TLN1: variants seen among roughly 807,000 people sequenced by gnomAD.
TLN1 encodes talin 1, also known as talin-1.
Under a neutral mutation model 292.3 loss-of-function variants are expected in TLN1, and 56 were observed. That is an observed-to-expected ratio of 0.19 (90% CI 0.15 to 0.24). TLN1 has a LOEUF of 0.24. Ranked by LOEUF, TLN1 falls within the 10% of genes least tolerant of loss-of-function variation. TLN1 has a pLI of 1.00. For synonymous variants in TLN1, 1,119 were observed against 1,253.7 expected (o/e 0.89, Z 2.27); for missense variants, 2,433 against 3,248.2 (o/e 0.75, Z 6.10).
rs1381675401 is a variant in TLN1, at chr9:35,719,707, G to T, written c.1578+33C>A. The stretch of plus-strand genomic sequence containing the variant: ...CCTATCCCTTGGAGTCTCAGCTTCA[G>T]TACCACCGGCCTCTCCTCCATCCCA... On this transcript the variant is annotated intron_variant, in intron 14 of 56. Coordinates refer to ENST00000314888, the MANE Select transcript of TLN1 (RefSeq NM_006289.4). The surrounding 1 kb of genome is among the most constrained non-coding windows in gnomAD (Gnocchi z 4.6). 2 of 1,610,850 alleles carry T rather than the reference G, an allele frequency of 1.2e-6. No homozygotes were observed. The highest frequency in any genetic ancestry group is 8.5e-7 in the Non-Finnish European group (1 of 1,177,854).
At position 35,699,378 on chromosome 9, in the gene TLN1, G is replaced by T; in HGVS notation, c.6852C>A (p.Ile2284=). The change falls in exon 51 of 57, where the codon ATC becomes ATA. Residue 2284 remains isoleucine (I), a synonymous_variant. Transcript: ENST00000314888. The surrounding 1 kb of genome is among the most constrained non-coding windows in gnomAD (Gnocchi z 4.0). ...CACCCTTCATGGCTTCAGCAGCCTG[G>T]ATGAGCTCAGTGACGGAACCAGCCA... ...KRVAGSVTEL[I]QAAEAMKGTE... 1 of 1,613,660 alleles carries T rather than the reference G, an allele frequency of 6.2e-7. No homozygotes were observed. The highest frequency in any genetic ancestry group is 1.1e-5 in the South Asian group (1 of 91,008).
Position 35,721,647 on chromosome 9 carries a change from C to A in TLN1, c.1104+1G>T. On this transcript the variant is annotated splice_donor_variant, in intron 10 of 56. Coordinates refer to ENST00000314888, the MANE Select transcript of TLN1 (RefSeq NM_006289.4). LOFTEE classifies it high-confidence loss of function. Reference sequence around the variant, plus strand: ...TTTCTTGTTATAGTCCCCAGACTTACCAGGGTGAAGCTTTTGGGAGACGCA... The same window carrying A: ...TTTCTTGTTATAGTCCCCAGACTTAACAGGGTGAAGCTTTTGGGAGACGCA... The A allele has an allele frequency of 6.2e-7, 1 of 1,611,848 alleles. No homozygotes were observed. Among genetic ancestry groups the A allele is most frequent in the Non-Finnish European group, 8.5e-7 (1 of 1,178,056 alleles).
rs1293884475 is a variant in TLN1 at position 35,707,153 on chromosome 9, C to T, written c.4874G>A (p.Arg1625Gln). The change falls in exon 37 of 57, where the codon CGG becomes CAG. Residue 1625 changes from arginine (R) to glutamine (Q), a missense_variant. This residue lies in a region of TLN1 where 1,384 missense variants were observed against 1,699.6 expected (regional missense o/e 0.81). Coordinates refer to ENST00000314888, the MANE Select transcript of TLN1 (RefSeq NM_006289.4). The surrounding 1 kb of genome is among the most constrained non-coding windows in gnomAD (Gnocchi z 5.6). The part of the protein sequence containing the change: ...QTARALAVNP[R>Q]DPPSWSVLAG... ...CAGCACCGACCAGCTCGGGGGGTCC[C>T]GGGGATTGACTGCGAGGGCCCGGGC... 30 of 1,610,180 alleles carry T rather than the reference C, an allele frequency of 1.9e-5. No homozygotes were observed. The highest frequency in any genetic ancestry group is 1.7e-4 in the Middle Eastern group (1 of 6,024).
At chr9:35,723,870 C>T in intron 7 of TLN1, 82 bp downstream of exon 7, 1 of 1,577,474 alleles carries the variant, frequency 6.3e-7, no homozygotes. Flanking sequence ...GGGGGGCAGG[C>T]TTGGAATGGA....
In TLN1 at chr9:35,704,333, G is replaced by T. The variant is rs769049532; in HGVS notation, c.6046C>A (p.Arg2016=). ...REGTETFADH[R]EGILKTAKVL... Reference sequence around the variant, plus strand: ...CCTTAGGCCCAGTTCCTGTCTTACCGGTGGTCAGCGAAAGTTTCAGTACCC... The same window carrying T: ...CCTTAGGCCCAGTTCCTGTCTTACCTGTGGTCAGCGAAAGTTTCAGTACCC... Residue 2016 remains arginine (R), a splice_region_variant and synonymous_variant, in exon 45 of 57, where the codon CGG becomes AGG. Coordinates refer to ENST00000314888, the MANE Select transcript of TLN1 (RefSeq NM_006289.4). The surrounding 1 kb of genome is among the most constrained non-coding windows in gnomAD (Gnocchi z 6.9). 3 of 1,612,636 alleles carry T rather than the reference G, an allele frequency of 1.9e-6. No individual in the cohort carries two copies. In the East Asian group the frequency reaches 6.7e-5, roughly 36 times the overall value.
rs1825663172 is a variant in TLN1, at chr9:35,711,259, C to A, written c.4015G>T (p.Ala1339Ser). 1.2e-6 allele frequency: 2 copies of A among 1,614,010 alleles called. No individual in the cohort carries two copies. Among genetic ancestry groups the A allele is most frequent in the Non-Finnish European group, 1.7e-6 (2 of 1,180,050 alleles). ...GGCTTCTCAGCAACTACTTACCTGGCAGCTGCAGCCAGCTGACTCTTGAGG... is the reference window on the plus strand; with the variant it reads ...GGCTTCTCAGCAACTACTTACCTGGAAGCTGCAGCCAGCTGACTCTTGAGG... ...PNLKSQLAAA[A>S]RAVTDSINQL... The change falls in exon 30 of 57, where the codon GCC (alanine) becomes TCC (serine). Residue 1339 changes from alanine to serine, a missense_variant. By Grantham distance (99) the Ala-to-Ser change is moderately conservative. Around this residue, in one of 7 missense-constraint regions of TLN1, gnomAD observed 1,384 missense variants for 1,699.6 expected, o/e 0.81. Transcript: ENST00000314888.
chr9:35,727,583 C>T (rs919337740), intron 1 of TLN1, among the ~76,000 whole-genome samples: 31 of 152,166 alleles, frequency 2.0e-4, no homozygotes, highest in Non-Finnish European at 4.3e-4. Flanking sequence ...CTCCCCACTC[C>T]TGGGGCACTT....
At position 35,714,981 on chromosome 9, in the gene TLN1, C is replaced by T; in HGVS notation, c.2754+78G>A. 6.2e-7 allele frequency: 1 copy of T among 1,611,068 alleles called. No homozygotes were observed. The highest frequency in any genetic ancestry group is 8.5e-7 in the Non-Finnish European group (1 of 1,179,864). The stretch of plus-strand genomic sequence containing the variant: ...TGCCTCAAGGACGTATTAACTTACT[C>T]TCCGCACCTCCCTTTCAGTTCATTC... On this transcript the variant is annotated intron_variant, in intron 21 of 56. Coordinates refer to ENST00000314888, the MANE Select transcript of TLN1 (RefSeq NM_006289.4). The surrounding 1 kb of genome is among the most constrained non-coding windows in gnomAD (Gnocchi z 4.6).
At chr9:35,701,485 G>T (rs1319289643) in intron 48 of TLN1, among the ~76,000 whole-genome samples, 1 of 152,154 alleles carries the variant, frequency 6.6e-6, no homozygotes, top group Admixed American at 6.5e-5. Context: ...ATGTTGTCCA[G>T]ACTAGTCTTG....
At chr9:35,711,197 G>T (rs1825661816) in intron 30 of TLN1, 58 bp downstream of exon 30, 1 of 1,610,926 alleles carries the variant, frequency 6.2e-7, no homozygotes, top group Non-Finnish European at 8.5e-7. Flanking sequence ...CTCATGAACT[G>T]CCTGCTCCCC....
chr9:35,731,591 G>C (rs1826080846), intron 1 of TLN1, among the ~76,000 whole-genome samples: 1 of 151,938 alleles, frequency 6.6e-6, no homozygotes, highest in South Asian at 2.1e-4. Flanking sequence ...ACCTGACCCT[G>C]AACTCAAATT....
Position 35,717,604 on chromosome 9 carries a change from A to C in TLN1, c.2163+15T>G, listed in dbSNP as rs754884514. The C allele has an allele frequency of 3.6e-5, 58 of 1,601,366 alleles. No homozygotes were observed. The South Asian group carries it at 6.0e-4, about 16-fold the overall frequency. ...TTACCCCTCAGCACGGACTAGAGCA[A>C]CCTTTGGGGCTCACCTTAGTACAGG... On this transcript the variant is annotated intron_variant, in intron 18 of 56. Transcript: ENST00000314888. The surrounding 1 kb of genome is among the most constrained non-coding windows in gnomAD (Gnocchi z 4.7).
At chr9:35,727,261 G>A (rs1257527330) in intron 1 of TLN1, among the ~76,000 whole-genome samples, 3 of 152,180 alleles carry the variant, frequency 2.0e-5, no homozygotes, top group South Asian at 2.1e-4. Flanking sequence ...GGTGAGAGGG[G>A]AAGGCTGGAA....
At chr9:35,705,069 G>A (rs543501944) in intron 43 of TLN1, among the ~76,000 whole-genome samples, 1 of 152,314 alleles carries the variant, frequency 6.6e-6, no homozygotes, top group Non-Finnish European at 1.5e-5. Flanking sequence ...GGGAGAAGGG[G>A]AGGAGCACTT....
Position 35,718,871 on chromosome 9 carries a change from G to C in TLN1, c.1936C>G (p.Gln646Glu), listed in dbSNP as rs551161464. 2 of 1,613,650 alleles carry C rather than the reference G, an allele frequency of 1.2e-6. No homozygotes were observed. Among genetic ancestry groups the C allele is most frequent in the South Asian group, 2.2e-5 (2 of 90,942 alleles). Residue 646 changes from glutamine to glutamate, a missense_variant, in exon 17 of 57, where the codon CAG becomes GAG. Gln to Glu is a conservative substitution (Grantham distance 29). Transcript: ENST00000314888. ...NLLQAAGNVG[Q>E]ASGELLQQIG... is the part of the protein sequence containing the mutation. ...TGTTGCAACAGCTCCCCACTGGCCT[G>C]GCCCACGTTCCCAGCTGCTTGCAGC...
chr9:35,705,995 G>T lies in TLN1; in HGVS notation c.5478C>A (p.Gly1826=), dbSNP rs756783469. 31 of 1,614,090 alleles carry T rather than the reference G, an allele frequency of 1.9e-5. No homozygotes were observed. Among genetic ancestry groups the T allele is most frequent in the Non-Finnish European group, 2.6e-5 (31 of 1,180,034 alleles). The part of the protein sequence containing the change: ...EAASAAGVVG[G]MVDSITQAIN... ...TGGCCTGGGTGATGGAGTCCACCAT[G>T]CCACCCACGACCCCAGCAGCACTGG... Residue 1826 remains glycine, a synonymous_variant, in exon 41 of 57, where the codon GGC becomes GGA. Transcript: ENST00000314888.
Position 35,706,648 on chromosome 9 carries a change from C to T in TLN1, c.5089-97G>A. The T allele has an allele frequency of 3.8e-6, 6 of 1,582,244 alleles. No individual in the cohort carries two copies. The highest frequency in any genetic ancestry group is 4.3e-6 in the Non-Finnish European group (5 of 1,160,164). Reference sequence around the variant, plus strand: ...TCTGTCCATACCAAATACCCTAACCCTCCTTCGCACATCCCAGCCTTTGAT... The same window carrying T: ...TCTGTCCATACCAAATACCCTAACCTTCCTTCGCACATCCCAGCCTTTGAT... On this transcript the variant is annotated intron_variant, in intron 38 of 56. Coordinates refer to ENST00000314888, the MANE Select transcript of TLN1 (RefSeq NM_006289.4). This position sits in a 1 kb window ranked among gnomAD's most constrained non-coding sequence, Gnocchi z 4.2.
At position 35,719,992 on chromosome 9, in the gene TLN1, A is replaced by C. The variant is rs1825852479; in HGVS notation, c.1464+47T>G. The C allele has an allele frequency of 6.3e-7, 1 of 1,581,384 alleles. No individual in the cohort carries two copies. The highest frequency in any genetic ancestry group is 8.6e-7 in the Non-Finnish European group (1 of 1,162,378). On this transcript the variant is annotated intron_variant, in intron 13 of 56. Transcript: ENST00000314888. This position sits in a 1 kb window ranked among gnomAD's most constrained non-coding sequence, Gnocchi z 4.6. The stretch of plus-strand genomic sequence containing the variant: ...CCTAACTCCTGGCTCGGCCCAGCTG[A>C]GGGTGAGAGAAGGGCCCTGGCACCG...
chr9:35,706,317 C>T lies in TLN1; in HGVS notation c.5240G>A (p.Gly1747Asp), dbSNP rs777660256. 2.4e-5 allele frequency: 39 copies of T among 1,612,978 alleles called. No homozygotes were observed. The highest frequency in any genetic ancestry group is 1.6e-4 in the Middle Eastern group (1 of 6,074). ...GTGGCTCAGGGTCTTGGAGGCAGCA[C>T]CCACTGCAGCCAGGGTGAGCGGCTC... ...YFEPLTLAAV[G>D]AASKTLSHPQ... The change falls in exon 40 of 57, where the codon GGT (glycine) becomes GAT (aspartate). Residue 1747 changes from glycine (G) to aspartate (D), a missense_variant. By Grantham distance (94) the Gly-to-Asp change is moderately conservative. Around this residue, in one of 7 missense-constraint regions of TLN1, gnomAD observed 1,384 missense variants for 1,699.6 expected, o/e 0.81. Coordinates refer to ENST00000314888, the MANE Select transcript of TLN1 (RefSeq NM_006289.4). This position sits in a 1 kb window ranked among gnomAD's most constrained non-coding sequence, Gnocchi z 4.2.
Sources: gnomAD v4.1 joint callset for allele counts (sites outside exome capture counted in the v4.1 genomes callset) on GRCh38, gnomAD v4.1.1 for gene constraint, gnomAD v4.1.1 regional missense constraint, Gnocchi (gnomAD v3.1) non-coding constraint, MANE v1.5 for transcripts, NCBI Gene and HGNC (gene_info 2026-07-23, HGNC 2026-07-21) for gene names.